AUTS2: variants seen among roughly 807,000 people sequenced by gnomAD.
AUTS2 encodes activator of transcription and developmental regulator AUTS2.
A neutral mutation model predicts 112.4 loss-of-function variants in AUTS2; 17 were observed. That is an observed-to-expected ratio of 0.15 (90% CI 0.10 to 0.23). The LOEUF (loss-of-function observed/expected upper bound fraction) is 0.23. Among genes scored for constraint, AUTS2 ranks in the 10% least tolerant of loss-of-function variants. The pLI is 1.00. For missense variants in AUTS2, 1,510 were observed against 1,701.6 expected, an observed-to-expected ratio of 0.89 and a Z score of 1.98; for synonymous variants, 751 against 702.7, an observed-to-expected ratio of 1.07 and a Z score of -1.09.
intron 5 of AUTS2, among the ~76,000 whole-genome samples, chr7:70,598,726 G>T (rs1200882953): frequency 2.0e-5 from 3 of 152,158 alleles, no homozygotes; most frequent in Non-Finnish European, 4.4e-5. Context: ...TGGTGTGAAA[G>T]TTTCCTTCTA....
intron 4 of AUTS2, among the ~76,000 whole-genome samples, chr7:70,417,720 T>C (rs1355677430): frequency 2.0e-5 from 3 of 152,224 alleles, no homozygotes; most frequent in Non-Finnish European, 1.5e-5. Context: ...TGAGATGGTA[T>C]GGCAGGTTGG....
At chr7:70,171,905 T>TTG (rs1808714362) in intron 4 of AUTS2, among the ~76,000 whole-genome samples, 1 of 146,818 alleles carries the variant, frequency 6.8e-6, no homozygotes, top group Admixed American at 6.8e-5. Context: ...TTTTTTTTTT[T>TTG]GGGGGGGGGT....
intron 2 of AUTS2, among the ~76,000 whole-genome samples, chr7:70,093,630 A>T (rs1034062805): frequency 4.6e-5 from 7 of 152,212 alleles, no homozygotes; most frequent in African/African-American, 1.7e-4. Flanking sequence ...GGACATGTAC[A>T]GGTGAGCTGT....
chr7:70,497,169 G>A (rs576721824), intron 5 of AUTS2, among the ~76,000 whole-genome samples: 6 of 128,082 alleles, frequency 4.7e-5, no homozygotes, highest in Admixed American at 8.4e-5. Context: ...CACACACCAC[G>A]TACACAGGCA....
At chr7:70,558,258 T>TG in intron 5 of AUTS2, among the ~76,000 whole-genome samples, 2 of 152,260 alleles carry the variant, frequency 1.3e-5, no homozygotes, top group South Asian at 4.1e-4. Context: ...ACAGATACTC[T>TG]GCGTAAAATT....
intron 2 of AUTS2, among the ~76,000 whole-genome samples, chr7:70,003,292 A>G (rs964758179): frequency 7.5e-6 from 1 of 132,608 alleles, no homozygotes; most frequent in African/African-American, 2.8e-5. Context: ...TATATATTAT[A>G]TATGAATATA....
intron 1 of AUTS2, among the ~76,000 whole-genome samples, chr7:69,817,683 G>A (rs1049569506): frequency 6.6e-6 from 1 of 152,170 alleles, no homozygotes; most frequent in Non-Finnish European, 1.5e-5. Flanking sequence ...TAGCAGAAGC[G>A]TGGAGAGCTG....
intron 5 of AUTS2, among the ~76,000 whole-genome samples, chr7:70,517,503 G>GCAAATTGTATATACACATATATA (rs1563010325): frequency 1.3e-5 from 2 of 149,778 alleles, no homozygotes; most frequent in African/African-American, 2.5e-5. Context: ...GTGTTTTGGG[G>GCAAATTGTATATACACATATATA]CAAATTGTAT....
At chr7:69,686,955 T>C (rs1797089730) in intron 1 of AUTS2, among the ~76,000 whole-genome samples, 1 of 152,204 alleles carries the variant, frequency 6.6e-6, no homozygotes, top group Non-Finnish European at 1.5e-5. Flanking sequence ...AAAAATGTAA[T>C]TTTGTCATAC....
intron 5 of AUTS2, among the ~76,000 whole-genome samples, chr7:70,609,156 T>A (rs1016655970): frequency 1.3e-5 from 2 of 152,156 alleles, no homozygotes; most frequent in Non-Finnish European, 2.9e-5. Context: ...GTACAATAGA[T>A]CTTCTAAACA....
Position 69,607,228 on chromosome 7 carries a change from T to G in AUTS2, c.309+7266T>G, listed in dbSNP as rs566027473. On this transcript the variant is annotated intron_variant, in intron 1 of 18. Coordinates refer to ENST00000342771, the MANE Select transcript of AUTS2 (RefSeq NM_015570.4). ...CCCTGAAATCATATGAATTGGTGCC[T>G]TCTTTGAAGGTGTTTATTTCATATA... is the stretch of plus-strand genomic sequence containing the variant. Among the ~76,000 whole-genome samples the G allele has an allele frequency of 6.6e-4, 101 of 152,272 alleles. 1 individual carries two copies. Among genetic ancestry groups the G allele is most frequent in the African/African-American group, 2.2e-3 (93 of 41,556 alleles).
chr7:69,927,349 G>T (rs952718139), intron 2 of AUTS2, among the ~76,000 whole-genome samples: 1 of 151,252 alleles, frequency 6.6e-6, no homozygotes, highest in Non-Finnish European at 1.5e-5. Context: ...GATGACATGA[G>T]TTTTACTTTT....
intron 1 of AUTS2, among the ~76,000 whole-genome samples, chr7:69,735,852 A>C (rs1787007621): frequency 6.6e-6 from 1 of 152,206 alleles, no homozygotes; most frequent in Non-Finnish European, 1.5e-5. Flanking sequence ...CTGTCAATGA[A>C]AGCTGTGGAG....
chr7:69,757,352 C>G (rs936134860), intron 1 of AUTS2, among the ~76,000 whole-genome samples: 3 of 152,140 alleles, frequency 2.0e-5, no homozygotes, highest in Non-Finnish European at 4.4e-5. Flanking sequence ...AGGATTGCTC[C>G]CTGTGAGGGA....
chr7:69,683,610 A>AC (rs1393648424), intron 1 of AUTS2, among the ~76,000 whole-genome samples: 1 of 151,756 alleles, frequency 6.6e-6, no homozygotes, highest in East Asian at 1.9e-4. Context: ...AAAACCAAAA[A>AC]ACGAGACTGG....
At chr7:70,404,528 G>A (rs954406109) in intron 4 of AUTS2, among the ~76,000 whole-genome samples, 2 of 152,094 alleles carry the variant, frequency 1.3e-5, no homozygotes, top group Admixed American at 6.6e-5. Context: ...TTCAAATCAG[G>A]GTCTACTTCC....
At chr7:70,141,669 C>A (rs962639317) in intron 4 of AUTS2, among the ~76,000 whole-genome samples, 5 of 152,100 alleles carry the variant, frequency 3.3e-5, no homozygotes, top group Admixed American at 6.5e-5. Context: ...CTCCACGTGG[C>A]GCAGATAAAC....
intron 14 of AUTS2, among the ~76,000 whole-genome samples, chr7:70,780,951 C>G (rs1193427487): frequency 2.0e-5 from 3 of 152,148 alleles, no homozygotes; most frequent in Non-Finnish European, 2.9e-5. Context: ...CTTTAAGACA[C>G]TATTATTTTA....
intron 1 of AUTS2, among the ~76,000 whole-genome samples, chr7:69,644,016 A>C (rs1794912567): frequency 1.3e-5 from 2 of 152,220 alleles, no homozygotes; most frequent in South Asian, 4.1e-4. Flanking sequence ...ACCATCTACA[A>C]GCCAGGAAGA....
Sources: allele counts gnomAD v4.1 joint callset (sites outside exome capture counted in the v4.1 genomes callset), GRCh38; gene constraint gnomAD v4.1.1; transcripts MANE v1.5; gene names NCBI Gene and HGNC (gene_info 2026-07-23, HGNC 2026-07-21).